CASK: variants seen among roughly 807,000 people sequenced by gnomAD.
The protein encoded by CASK is calcium/calmodulin dependent serine protein kinase, also known as peripheral plasma membrane protein CASK.
In CASK, 4 loss-of-function variants were observed where a neutral mutation model predicts 82.9. That is an observed-to-expected ratio of 0.05 (90% CI 0.02 to 0.11). The LOEUF (loss-of-function observed/expected upper bound fraction) is 0.11. Ranked by LOEUF, CASK falls within the 10% of genes least tolerant of loss-of-function variation. CASK has a pLI of 1.00. For synonymous variants in CASK, 259 were observed against 253.5 expected, an observed-to-expected ratio of 1.02 and a Z score of -0.20; for missense variants, 358 against 720.9, an observed-to-expected ratio of 0.50 and a Z score of 5.76.
At chrX:41,862,219 A>C (rs2071503533) in intron 1 of CASK, among the ~76,000 whole-genome samples, 2 of 110,229 alleles carry the variant, frequency 1.8e-5, no homozygotes, top group African/African-American at 6.6e-5. Context: ...GCAATGGCCT[A>C]CAGCCAAGTC....
At chrX:41,798,332 A>G (rs1185934514) in intron 2 of CASK, among the ~76,000 whole-genome samples, 1 of 112,472 alleles carries the variant, frequency 8.9e-6, no homozygotes, top group Non-Finnish European at 1.9e-5. Context: ...TATTGGTCTC[A>G]ATAATAAAAT....
At chrX:41,864,538 G>A (rs2147996231) in intron 1 of CASK, among the ~76,000 whole-genome samples, 1 of 111,547 alleles carries the variant, frequency 9.0e-6, no homozygotes, top group South Asian at 3.8e-4. Flanking sequence ...CTAAATTTTA[G>A]TATTTATAAT....
intron 9 of CASK, among the ~76,000 whole-genome samples, chrX:41,633,821 G>A (rs771601465): frequency 2.4e-4 from 26 of 108,581 alleles, no homozygotes; most frequent in African/African-American, 1.7e-4. Flanking sequence ...GTGCAGTGGC[G>A]TGATCTTGGC....
At chrX:41,714,558 G>C (rs971626587) in intron 5 of CASK, among the ~76,000 whole-genome samples, 5 of 111,687 alleles carry the variant, frequency 4.5e-5, no homozygotes, top group Non-Finnish European at 9.4e-5. Flanking sequence ...ACAATCTGTA[G>C]AATAGAAGCT....
At chrX:41,913,489 A>T (rs1269114127) in intron 1 of CASK, among the ~76,000 whole-genome samples, 1 of 112,337 alleles carries the variant, frequency 8.9e-6, no homozygotes, top group African/African-American at 3.2e-5. Flanking sequence ...ACAGATAAAG[A>T]AACTGAGGGT....
chrX:41,717,923 G>A (rs1285375194), intron 5 of CASK, among the ~76,000 whole-genome samples: 1 of 112,384 alleles, frequency 8.9e-6, no homozygotes, highest in Non-Finnish European at 1.9e-5. Context: ...GTATGCTAAT[G>A]AGGTGACTGC....
rs921123856 is a variant in CASK at position 41,522,685 on chromosome X, C to T, written c.2604+1266G>A. ...CCACTAGCAGGGTTTATGATTTGCT[C>T]AGCAAGCTGGGCTGATGAAAATATT... On this transcript the variant is annotated intron_variant, in intron 26 of 26. Coordinates refer to ENST00000378163, the MANE Select transcript of CASK (RefSeq NM_001367721.1). Among the ~76,000 whole-genome samples the T allele has an allele frequency of 4.5e-5, 5 of 112,232 alleles. No individual in the cohort carries two copies. In the Admixed American group the frequency reaches 4.7e-4, roughly 11 times the overall value.
At chrX:41,859,267 A>C (rs2071430212) in intron 1 of CASK, among the ~76,000 whole-genome samples, 1 of 111,761 alleles carries the variant, frequency 8.9e-6, no homozygotes, top group South Asian at 3.7e-4. Flanking sequence ...GCCAAGAACA[A>C]ATTTTTACAC....
intron 2 of CASK, among the ~76,000 whole-genome samples, chrX:41,790,891 C>T (rs1246635144): frequency 1.8e-5 from 2 of 111,921 alleles, no homozygotes; most frequent in Admixed American, 9.5e-5. Context: ...ATTAAGTCCA[C>T]GCTGATATAG....
chrX:41,554,042 T>C, intron 20 of CASK, 127 bp from the exon 21 acceptor site: 1 of 526,026 alleles, frequency 1.9e-6, no homozygotes, highest in Non-Finnish European at 3.3e-6. Context: ...GCAAAAACGA[T>C]GCATGGAAAT....
At chrX:41,902,653 A>T (rs1408909360) in intron 1 of CASK, among the ~76,000 whole-genome samples, 2 of 112,158 alleles carry the variant, frequency 1.8e-5, no homozygotes, top group Non-Finnish European at 3.8e-5. Context: ...GATTTAGCCT[A>T]CTACATGTAG....
intron 2 of CASK, chrX:41,790,120 T>A: frequency 1.8e-6 from 1 of 562,620 alleles, no homozygotes; most frequent in Non-Finnish European, 2.3e-6. Context: ...TAGTAGAGAC[T>A]TTTTTTTTTC....
chrX:41,635,573 G>A (rs1467076579), intron 9 of CASK: 1 of 111,302 alleles, frequency 9.0e-6, no homozygotes, highest in Non-Finnish European at 1.9e-5. Flanking sequence ...AGGGTTGGGT[G>A]GGGGATGGTC....
intron 1 of CASK, among the ~76,000 whole-genome samples, chrX:41,867,728 G>T (rs1383044958): frequency 8.9e-6 from 1 of 112,111 alleles, no homozygotes; most frequent in African/African-American, 3.2e-5. Context: ...ATAGTATTTT[G>T]TAATAGCAGA....
At chrX:41,739,830 GC>G (rs1451780433) in intron 4 of CASK, among the ~76,000 whole-genome samples, 1 of 111,933 alleles carries the variant, frequency 8.9e-6, no homozygotes, top group African/African-American at 3.2e-5. Context: ...GCTCAGGGCT[GC>G]CCCAAGGATT....
Position 41,523,962 on chromosome X carries a change from C to G in CASK, c.2593G>C (p.Gly865Arg). The change falls in exon 26 of 27, where the codon GGT becomes CGT. Residue 865 changes from glycine (G) to arginine (R), a missense_variant. By Grantham distance (125) the Gly-to-Arg change is moderately radical. Around this residue, in one of 5 missense-constraint regions of CASK, gnomAD observed 118 missense variants for 169.4 expected, o/e 0.70. Transcript: ENST00000378163. ...AGATTGATTCTTACCTCATTTAAAC[C>G]TGGAGTAATAGTTGGTGCAGCAATG... is the stretch of plus-strand genomic sequence containing the variant. The part of the protein sequence containing the change: ...VFIAAPTITP[G>R]LNEDESLQRL... 8.4e-7 allele frequency: 1 copy of G among 1,195,650 alleles called. No homozygotes were observed. The highest frequency in any genetic ancestry group is 3.0e-5 in the East Asian group (1 of 33,746).
At chrX:41,879,228 GTAC>G (rs1211399363) in intron 1 of CASK, among the ~76,000 whole-genome samples, 1 of 111,150 alleles carries the variant, frequency 9.0e-6, no homozygotes, top group Non-Finnish European at 1.9e-5. Flanking sequence ...TTTTCAAAAA[GTAC>G]TACAAGAGTA....
At position 41,636,602 on chromosome X, in the gene CASK, T is replaced by C. The variant is rs544979992; in HGVS notation, c.891A>G (p.Lys297=). 6.4e-4 allele frequency: 758 copies of C among 1,193,378 alleles called. 2 individuals carry two copies. In the South Asian group the frequency reaches 0.012, roughly 18 times the overall value. The change falls in exon 9 of 27, where the codon AAA becomes AAG. Residue 297 remains lysine (K), a synonymous_variant. Coordinates refer to ENST00000378163, the MANE Select transcript of CASK (RefSeq NM_001367721.1). ...HLPETVEQLR[K]FNARRKLKGA... is the part of the protein sequence containing the mutation. ...CCTTTAGTTTCCTCCTTGCATTGAATTTCCTCAGCTGCTCTACTGTTTCTG... is the reference window on the plus strand; with the variant it reads ...CCTTTAGTTTCCTCCTTGCATTGAACTTCCTCAGCTGCTCTACTGTTTCTG...
At chrX:41,869,828 A>AAAAAAAAAAAAAAAAC (rs2071669875) in intron 1 of CASK, among the ~76,000 whole-genome samples, 1 of 102,536 alleles carries the variant, frequency 9.8e-6, no homozygotes, top group Non-Finnish European at 2.0e-5. Flanking sequence ...AAAAAAAAAA[A>AAAAAAAAAAAAAAAAC]AAAAAAAAGC....
Sources: gnomAD v4.1 joint callset for allele counts (sites outside exome capture counted in the v4.1 genomes callset) on GRCh38, gnomAD v4.1.1 for gene constraint, gnomAD v4.1.1 regional missense constraint, MANE v1.5 for transcripts, NCBI Gene and HGNC (gene_info 2026-07-23, HGNC 2026-07-21) for gene names.